Variants in EXOC2 observed in about 807,000 individuals in gnomAD.
EXOC2 encodes SEC5-like 1.
A neutral mutation model predicts 131.8 loss-of-function variants in EXOC2; 70 were observed. The observed-to-expected ratio is 0.53, with a 90% CI of 0.44 to 0.65. The LOEUF is 0.65. Ranked by LOEUF, EXOC2 falls within the 30% of genes least tolerant of loss-of-function variation. The probability of loss-of-function intolerance (pLI) is 0.00; values close to 1 mark genes in which losing one functional copy is unlikely to be tolerated. For synonymous variants in EXOC2, 411 were observed against 398.4 expected (o/e 1.03, Z -0.38); for missense variants, 923 against 1,108.6 (o/e 0.83, Z 2.38).
chr6:491,042 T>C (rs941336076), intron 26 of EXOC2, 83 bp downstream of exon 26: 17 of 1,395,614 alleles, frequency 1.2e-5, no homozygotes, highest in Non-Finnish European at 1.5e-5. Flanking sequence ...CTCTGATCAG[T>C]CATCTTTACA....
chr6:495,455 G>A (rs937307018), intron 25 of EXOC2, among the ~76,000 whole-genome samples: 5 of 152,258 alleles, frequency 3.3e-5, no homozygotes, highest in Non-Finnish European at 5.9e-5. Context: ...TTTGTGTCTC[G>A]AACCCATGGT....
chr6:593,661 A>G (rs1411150952), intron 10 of EXOC2, among the ~76,000 whole-genome samples: 1 of 152,364 alleles, frequency 6.6e-6, no homozygotes, highest in South Asian at 2.1e-4. Flanking sequence ...AAGCATGTCC[A>G]AATGAATTTA....
chr6:591,655 T>C (rs1008469174), intron 11 of EXOC2, among the ~76,000 whole-genome samples: 1 of 152,160 alleles, frequency 6.6e-6, no homozygotes, highest in Non-Finnish European at 1.5e-5. Flanking sequence ...TGGCTGGTTA[T>C]CTGTCTACCC....
rs531611094 is a variant in EXOC2, at chr6:563,887, T to C, written c.1789+146A>G. On this transcript the variant is annotated intron_variant, in intron 16 of 27. Transcript: ENST00000230449. Reference sequence around the variant, plus strand: ...CATCACAAAAAGAAAAAACACTTATTGAGCAGCTAGAAATAAGATGAACTA... The same window carrying C: ...CATCACAAAAAGAAAAAACACTTATCGAGCAGCTAGAAATAAGATGAACTA... 46 of 1,179,318 alleles carry C rather than the reference T, an allele frequency of 3.9e-5. No individual in the cohort carries two copies. The East Asian group carries it at 1.1e-3, about 28-fold the overall frequency. 73.1% of individuals were successfully genotyped at this position (1,179,318 alleles called of 1,614,324 possible).
chr6:540,250 C>T (rs1396643070), intron 22 of EXOC2, among the ~76,000 whole-genome samples: 1 of 152,184 alleles, frequency 6.6e-6, no homozygotes, highest in Non-Finnish European at 1.5e-5. Flanking sequence ...CCACCACACC[C>T]AGCCAGGAAT....
At chr6:490,305 C>T (rs1175572665) in intron 26 of EXOC2, among the ~76,000 whole-genome samples, 1 of 152,150 alleles carries the variant, frequency 6.6e-6, no homozygotes, top group African/African-American at 2.4e-5. Context: ...ATGAAGTGTG[C>T]ACACATCCAA....
intron 1 of EXOC2, among the ~76,000 whole-genome samples, chr6:653,047 G>A (rs1259122502): frequency 6.6e-6 from 1 of 152,056 alleles, no homozygotes; most frequent in African/African-American, 2.4e-5. Flanking sequence ...AACTGTTCCG[G>A]GGCACCACAA....
At chr6:642,115 T>C (rs1762383308) in intron 1 of EXOC2, among the ~76,000 whole-genome samples, 1 of 152,170 alleles carries the variant, frequency 6.6e-6, no homozygotes, top group Non-Finnish European at 1.5e-5. Flanking sequence ...CTTGTATTCA[T>C]GTAATTCAAC....
At chr6:536,345 A>G (rs182167623) in intron 22 of EXOC2, among the ~76,000 whole-genome samples, 70 of 152,292 alleles carry the variant, frequency 4.6e-4, no homozygotes, top group African/African-American at 1.5e-3. Flanking sequence ...ATAGACATCG[A>G]AGGATTATAA....
chr6:607,971 T>G (rs2127658751), intron 7 of EXOC2, among the ~76,000 whole-genome samples: 1 of 152,256 alleles, frequency 6.6e-6, no homozygotes, highest in South Asian at 2.1e-4. Flanking sequence ...TCAGAAAGAT[T>G]GCCCAATTTA....
chr6:603,845 G>A (rs1157679428), intron 7 of EXOC2, among the ~76,000 whole-genome samples: 6 of 152,124 alleles, frequency 3.9e-5, no homozygotes, highest in Admixed American at 2.6e-4. Flanking sequence ...GTTTGCGAGC[G>A]TAAGACCAAT....
intron 25 of EXOC2, among the ~76,000 whole-genome samples, chr6:495,666 C>T (rs1316458847): frequency 6.6e-6 from 1 of 152,186 alleles, no homozygotes; most frequent in Non-Finnish European, 1.5e-5. Context: ...TGTGAGAGCT[C>T]TAGTTCCATC....
In EXOC2 at chr6:509,143, A is replaced by T. The variant is rs140962994; in HGVS notation, c.2381-9443T>A. Among the ~76,000 whole-genome samples the T allele has an allele frequency of 8.4e-3, 1,277 of 152,320 alleles. 19 individuals carry two copies. Among genetic ancestry groups the T allele is most frequent in the African/African-American group, 0.029 (1,217 of 41,550 alleles). Reference sequence around the variant, plus strand: ...CCTGTTTGCTCTTCAGTGCATACGTATCTACCTTATAATTTTTGATGGCTG... The same window carrying T: ...CCTGTTTGCTCTTCAGTGCATACGTTTCTACCTTATAATTTTTGATGGCTG... On this transcript the variant is annotated intron_variant, in intron 23 of 27. Coordinates refer to ENST00000230449, the MANE Select transcript of EXOC2 (RefSeq NM_018303.6).
At chr6:614,634 A>C (rs1760889377) in intron 6 of EXOC2, among the ~76,000 whole-genome samples, 1 of 152,178 alleles carries the variant, frequency 6.6e-6, no homozygotes. Flanking sequence ...GAGAATCTAA[A>C]CCATCAAAAG....
intron 1 of EXOC2, among the ~76,000 whole-genome samples, chr6:653,131 T>TCC (rs1762908990): frequency 6.6e-6 from 1 of 152,184 alleles, no homozygotes; most frequent in Admixed American, 6.5e-5. Context: ...GCATTCTCTC[T>TCC]CCCTCTCCTC....
intron 26 of EXOC2, among the ~76,000 whole-genome samples, chr6:489,728 C>A (rs564638328): frequency 1.1e-4 from 17 of 152,320 alleles, no homozygotes; most frequent in Non-Finnish European, 2.5e-4. Context: ...GTTCTTTTAT[C>A]TCTCTTATGA....
At chr6:529,125 C>CT (rs1554122771) in intron 23 of EXOC2, among the ~76,000 whole-genome samples, 2 of 150,332 alleles carry the variant, frequency 1.3e-5, no homozygotes, top group African/African-American at 4.9e-5. Flanking sequence ...TACCCCCCCC[C>CT]GCGCCCTGGT....
At chr6:513,112 G>A (rs1764945434) in intron 23 of EXOC2, among the ~76,000 whole-genome samples, 1 of 152,230 alleles carries the variant, frequency 6.6e-6, no homozygotes, top group South Asian at 2.1e-4. Flanking sequence ...TGCAGCTGGT[G>A]GTGTCTTTTG....
rs1561823853 is a variant in EXOC2 at position 532,562 on chromosome 6, A to C, written c.2287T>G (p.Tyr763Asp). The C allele has an allele frequency of 6.2e-7, 1 of 1,609,742 alleles. No homozygotes were observed. The highest frequency in any genetic ancestry group is 8.5e-7 in the Non-Finnish European group (1 of 1,178,666). Residue 763 changes from tyrosine (Y) to aspartate (D), a missense_variant, in exon 23 of 28, where the codon TAC becomes GAC. By Grantham distance (160) the Tyr-to-Asp change is radical. Transcript: ENST00000230449. ...ATGGGATCTGCTTTCAACTCGATGT[A>C]ATTTTCAAAGAGTCTTTGATCTAGT... ...KELDQRLFEN[Y>D]IELKADPIVG...
Sources: allele counts gnomAD v4.1 joint callset (sites outside exome capture counted in the v4.1 genomes callset), GRCh38; gene constraint gnomAD v4.1.1; transcripts MANE v1.5; gene names NCBI Gene and HGNC (gene_info 2026-07-23, HGNC 2026-07-21).